Variants in PPARGC1A observed in about 807,000 individuals in gnomAD.
PPARGC1A encodes peroxisome proliferator-activated receptor gamma coactivator 1-alpha.
In PPARGC1A, 25 loss-of-function variants were observed where a neutral mutation model predicts 88.7. The observed-to-expected ratio is 0.28, with a 90% CI of 0.21 to 0.39. PPARGC1A has a LOEUF of 0.39. Among genes scored for constraint, PPARGC1A ranks in the 10% least tolerant of loss-of-function variants. The pLI, the probability that PPARGC1A is intolerant of heterozygous loss-of-function variation, is 1.00. For synonymous variants in PPARGC1A, 363 were observed against 355.6 expected, an observed-to-expected ratio of 1.02 and a Z score of -0.24; for missense variants, 880 against 968.7, an observed-to-expected ratio of 0.91 and a Z score of 1.22.
Position 23,813,845 on chromosome 4 carries a change from T to G in PPARGC1A, c.1638A>C (p.Pro546=), listed in dbSNP as rs780199152. 1.2e-6 allele frequency: 2 copies of G among 1,613,880 alleles called. No homozygotes were observed. Among genetic ancestry groups the G allele is most frequent in the Non-Finnish European group, 1.7e-6 (2 of 1,179,936 alleles). The change falls in exon 8 of 13, where the codon CCA becomes CCC. Residue 546 remains proline (P), a synonymous_variant. Coordinates refer to ENST00000264867, the MANE Select transcript of PPARGC1A (RefSeq NM_013261.5). ...TGGGTGGTGACACAGAATCTCTACA[T>G]GGAGAGTTAAAAGAAGAACAAGAAG... ...VSPSCSSFNS[P]CRDSVSPPKS... is the part of the protein sequence containing the mutation.
intron 1 of PPARGC1A, chr4:23,889,259 G>A: frequency 2.0e-6 from 2 of 985,358 alleles, no homozygotes; most frequent in Non-Finnish European, 1.2e-6. Context: ...CCCTGCCACC[G>A]ACGCGAACGG....
chr4:24,264,694 G>C, the PPARGC1A span, among the ~76,000 whole-genome samples: 7 of 152,370 alleles, frequency 4.6e-5, no homozygotes, highest in East Asian at 9.6e-4. Flanking sequence ...AAGAATTAGA[G>C]AGATGAGTTC....
At chr4:24,461,810 T>A in the PPARGC1A span, among the ~76,000 whole-genome samples, 2 of 152,086 alleles carry the variant, frequency 1.3e-5, no homozygotes, top group African/African-American at 2.4e-5. Flanking sequence ...CCCACTCTCA[T>A]CCCCCATTCT....
chr4:24,063,609 G>T, the PPARGC1A span, among the ~76,000 whole-genome samples: 1 of 152,162 alleles, frequency 6.6e-6, no homozygotes, highest in Non-Finnish European at 1.5e-5. Flanking sequence ...AGATCCCGGG[G>T]TGAAGGATGC....
At chr4:23,904,603 A>G (rs559511022), upstream of PPARGC1A, among the ~76,000 whole-genome samples, 61 of 152,278 alleles carry the variant, frequency 4.0e-4, no homozygotes, top group African/African-American at 1.3e-3. Context: ...TGGCTGCTCA[A>G]AACTTTACTG....
At chr4:23,987,293 G>C in the PPARGC1A span, among the ~76,000 whole-genome samples, 2 of 151,996 alleles carry the variant, frequency 1.3e-5, no homozygotes, top group Non-Finnish European at 2.9e-5. Context: ...AACAGCAAAA[G>C]GTGATTTCTT....
chr4:24,387,074 A>G, the PPARGC1A span, among the ~76,000 whole-genome samples: 6 of 152,210 alleles, frequency 3.9e-5, no homozygotes, highest in African/African-American at 1.4e-4. Flanking sequence ...CAGAGGCCTC[A>G]GAAACAACGC....
chr4:24,236,143 T>C, the PPARGC1A span, among the ~76,000 whole-genome samples: 1 of 152,212 alleles, frequency 6.6e-6, no homozygotes, highest in Admixed American at 6.5e-5. Context: ...GCCAACAGTT[T>C]TGAAACTTTT....
the PPARGC1A span, among the ~76,000 whole-genome samples, chr4:24,361,983 C>G: frequency 6.6e-6 from 1 of 152,210 alleles, no homozygotes; most frequent in African/African-American, 2.4e-5. Flanking sequence ...ATAAACTGGA[C>G]TTTAGCCCCA....
At chr4:24,392,577 C>A in the PPARGC1A span, among the ~76,000 whole-genome samples, 1 of 152,184 alleles carries the variant, frequency 6.6e-6, no homozygotes, top group African/African-American at 2.4e-5. Flanking sequence ...TCTGTAGGCG[C>A]ACTCTGACAT....
At chr4:24,084,002 C>T in the PPARGC1A span, among the ~76,000 whole-genome samples, 1 of 152,166 alleles carries the variant, frequency 6.6e-6, no homozygotes, top group South Asian at 2.1e-4. Context: ...TCCAAGTTTG[C>T]CCATGAGGGA....
At chr4:24,249,088 C>T in the PPARGC1A span, among the ~76,000 whole-genome samples, 1 of 152,140 alleles carries the variant, frequency 6.6e-6, no homozygotes, top group Non-Finnish European at 1.5e-5. Context: ...CCCTCAGATC[C>T]TTCCATCTAG....
the PPARGC1A span, among the ~76,000 whole-genome samples, chr4:24,138,922 G>A: frequency 1.3e-5 from 2 of 152,086 alleles, no homozygotes; most frequent in South Asian, 2.1e-4. Context: ...GACACTCTGC[G>A]GCCTCTCCCA....
At chr4:24,334,244 A>T in the PPARGC1A span, among the ~76,000 whole-genome samples, 1 of 152,142 alleles carries the variant, frequency 6.6e-6, no homozygotes. Context: ...CTTTTCATAC[A>T]CTAACTCCTT....
the PPARGC1A span, among the ~76,000 whole-genome samples, chr4:24,303,081 A>T: frequency 0.027 from 4,133 of 152,304 alleles, 195 homozygotes; most frequent in African/African-American, 0.094. Context: ...TTCAAAAGTC[A>T]TCCTTTCCCA....
chr4:24,188,859 C>A, the PPARGC1A span, among the ~76,000 whole-genome samples: 1 of 152,096 alleles, frequency 6.6e-6, no homozygotes, highest in African/African-American at 2.4e-5. Context: ...TTCATGTCAG[C>A]ATTATTCACA....
the PPARGC1A span, among the ~76,000 whole-genome samples, chr4:24,112,957 TC>T: frequency 2.0e-5 from 3 of 152,164 alleles, no homozygotes; most frequent in Non-Finnish European, 4.4e-5. Context: ...AACGGAAATT[TC>T]TTTCAATGAG....
chr4:23,938,394 C>T, the PPARGC1A span, among the ~76,000 whole-genome samples: 1 of 152,182 alleles, frequency 6.6e-6, no homozygotes, highest in Non-Finnish European at 1.5e-5. Context: ...TTTATTCTTT[C>T]ATTAAATGAT....
the PPARGC1A span, among the ~76,000 whole-genome samples, chr4:24,229,310 C>A: frequency 6.6e-6 from 1 of 150,528 alleles, no homozygotes; most frequent in Non-Finnish European, 1.5e-5. Flanking sequence ...CGCGCCACCA[C>A]GCTAATTTTT....
Sources: gnomAD v4.1 joint callset for allele counts (sites outside exome capture counted in the v4.1 genomes callset) on GRCh38, gnomAD v4.1.1 for gene constraint, MANE v1.5 for transcripts, NCBI Gene and HGNC (gene_info 2026-07-23, HGNC 2026-07-21) for gene names.